The following SYNRG variants were observed in gnomAD, a reference collection of about 807,000 sequenced individuals.
SYNRG encodes the protein synergin gamma, also known as AP1 gamma subunit binding protein 1.
A neutral mutation model predicts 130.9 loss-of-function variants in SYNRG; 37 were observed. The observed-to-expected ratio is 0.28, with a 90% CI of 0.22 to 0.37. The LOEUF (loss-of-function observed/expected upper bound fraction) is 0.37. Among genes scored for constraint, SYNRG ranks in the 10% least tolerant of loss-of-function variants. The pLI, the probability that SYNRG is intolerant of heterozygous loss-of-function variation, is 1.00. For synonymous variants in SYNRG, 539 were observed against 568.1 expected, an observed-to-expected ratio of 0.95 and a Z score of 0.73; for missense variants, 1,338 against 1,588.9, an observed-to-expected ratio of 0.84 and a Z score of 2.68.
At chr17:37,607,472 G>T (rs2063847005) in intron 1 of SYNRG, among the ~76,000 whole-genome samples, 1 of 152,144 alleles carries the variant, frequency 6.6e-6, no homozygotes, top group South Asian at 2.1e-4. Context: ...GGACATTTTA[G>T]AAACTGTAAT....
At chr17:37,600,482 T>A in intron 1 of SYNRG, 79 bp from the exon 2 acceptor site, 1 of 1,419,824 alleles carries the variant, frequency 7.0e-7, no homozygotes, top group South Asian at 1.2e-5. Context: ...TTTATATGGA[T>A]AAAAGACTTG....
chr17:37,599,525 A>T (rs1046685570), intron 2 of SYNRG, among the ~76,000 whole-genome samples: 1 of 152,204 alleles, frequency 6.6e-6, no homozygotes, highest in African/African-American at 2.4e-5. Flanking sequence ...ATTTGATACC[A>T]GCCTGGGCAA....
rs201143882 is a variant in SYNRG at position 37,553,340 on chromosome 17, C to T, written c.2383G>A (p.Glu795Lys). The T allele has an allele frequency of 5.9e-5, 96 of 1,614,090 alleles. No individual in the cohort carries two copies. Among genetic ancestry groups the T allele is most frequent in the Non-Finnish European group, 1.4e-5 (17 of 1,180,044 alleles). Residue 795 changes from glutamate to lysine, a missense_variant, in exon 14 of 22, where the codon GAG becomes AAG. This residue lies in a region of SYNRG where 1,146 missense variants were observed against 1,342.3 expected (regional missense o/e 0.85). Coordinates refer to ENST00000612223, the MANE Select transcript of SYNRG (RefSeq NM_007247.6). ...SSINSDKSLG[E>K]KAVAFRHTKE... Reference sequence around the variant, plus strand: ...GTGTGTCTGAAAGCCACTGCTTTCTCTCCCAGGGATTTGTCCGAGTTTATG... The same window carrying T: ...GTGTGTCTGAAAGCCACTGCTTTCTTTCCCAGGGATTTGTCCGAGTTTATG...
intron 11 of SYNRG, among the ~76,000 whole-genome samples, chr17:37,564,993 G>A (rs2059815364): frequency 1.3e-5 from 2 of 152,216 alleles, no homozygotes; most frequent in Admixed American, 1.3e-4. Context: ...GCTGGGCATG[G>A]TGGCTCACGC....
intron 14 of SYNRG, among the ~76,000 whole-genome samples, chr17:37,546,419 C>T (rs2058280456): frequency 6.6e-6 from 1 of 152,162 alleles, no homozygotes; most frequent in African/African-American, 2.4e-5. Flanking sequence ...TTAATGCATA[C>T]ATCTGTTTGC....
intron 3 of SYNRG, among the ~76,000 whole-genome samples, chr17:37,590,940 C>T (rs1487775211): frequency 2.0e-5 from 3 of 151,860 alleles, no homozygotes; most frequent in Admixed American, 1.3e-4. Context: ...CTATAAACAC[C>T]GAATTCATGA....
intron 19 of SYNRG, among the ~76,000 whole-genome samples, chr17:37,523,189 ACT>A (rs1312092197): frequency 2.3e-4 from 35 of 151,932 alleles, no homozygotes; most frequent in African/African-American, 8.5e-4. Flanking sequence ...ATAGAATCTC[ACT>A]CTGTCACCCA....
At chr17:37,603,824 T>C (rs2063505005) in intron 1 of SYNRG, among the ~76,000 whole-genome samples, 1 of 152,134 alleles carries the variant, frequency 6.6e-6, no homozygotes, top group African/African-American at 2.4e-5. Context: ...GGTCAGTGAG[T>C]ATTGGTTTAA....
Position 37,568,753 on chromosome 17 carries a change from G to A in SYNRG, c.1481+38C>T, listed in dbSNP as rs771026915. On this transcript the variant is annotated intron_variant, in intron 11 of 21. Coordinates refer to ENST00000612223, the MANE Select transcript of SYNRG (RefSeq NM_007247.6). ...TATTATGGATGCCTCTTTCTTAATG[G>A]TTAAATGCAATGTTAAATATATTAA... 3.8e-6 allele frequency: 6 copies of A among 1,599,472 alleles called. No homozygotes were observed. In the East Asian group the frequency reaches 1.3e-4, roughly 36 times the overall value.
At chr17:37,520,358 C>T (rs766451673) in intron 20 of SYNRG, 144 bp from the exon 21 acceptor site, 1 of 1,177,540 alleles carries the variant, frequency 8.5e-7, no homozygotes, top group Non-Finnish European at 1.2e-6. Context: ...GCGTCCATTC[C>T]CTCCACAGCT....
intron 19 of SYNRG, among the ~76,000 whole-genome samples, chr17:37,526,748 C>T (rs1396491473): frequency 6.6e-6 from 1 of 152,190 alleles, no homozygotes; most frequent in East Asian, 1.9e-4. Flanking sequence ...ATCACTTTTT[C>T]TCACTCTTCC....
intron 14 of SYNRG, among the ~76,000 whole-genome samples, chr17:37,551,291 A>G (rs1285306911): frequency 1.3e-5 from 2 of 152,234 alleles, no homozygotes; most frequent in African/African-American, 4.8e-5. Flanking sequence ...AATTTTGCAC[A>G]ACAGCAATAT....
At chr17:37,583,663 T>A (rs563194158) in intron 6 of SYNRG, among the ~76,000 whole-genome samples, 57 of 152,338 alleles carry the variant, frequency 3.7e-4, no homozygotes, top group African/African-American at 1.3e-3. Flanking sequence ...TTTCTTGGAA[T>A]CAGCTGATAA....
rs2145399963 is a variant in SYNRG at position 37,554,074 on chromosome 17, AC to A, written c.1664-16del. 1 of 1,583,668 alleles carries A rather than the reference AC, an allele frequency of 6.3e-7. No homozygotes were observed. The highest frequency in any genetic ancestry group is 2.2e-5 in the East Asian group (1 of 44,772). On this transcript the variant is annotated splice_polypyrimidine_tract_variant and intron_variant, in intron 13 of 21. Coordinates refer to ENST00000612223, the MANE Select transcript of SYNRG (RefSeq NM_007247.6). ...AAAGCTTTCTCCTGAAAGAAAAAAT[AC>A]CACCAAACAAATGGGAATGCTGAAC... is the stretch of plus-strand genomic sequence containing the variant.
intron 16 of SYNRG, among the ~76,000 whole-genome samples, chr17:37,539,950 C>T (rs1427764801): frequency 1.3e-5 from 2 of 152,038 alleles, no homozygotes; most frequent in Non-Finnish European, 2.9e-5. Context: ...GCACATGTAA[C>T]AAGGAGTAGG....
At chr17:37,584,599 C>T in intron 6 of SYNRG, 49 bp downstream of exon 6, 2 of 1,482,384 alleles carry the variant, frequency 1.3e-6, no homozygotes, top group South Asian at 1.1e-5. Context: ...ACAGGGACTA[C>T]ATAAATCACC....
chr17:37,544,175 T>C (rs1167601013), intron 14 of SYNRG, among the ~76,000 whole-genome samples: 2 of 150,786 alleles, frequency 1.3e-5, no homozygotes, highest in East Asian at 4.0e-4. Context: ...ACACTAGTTG[T>C]ACAAAAAACC....
At chr17:37,530,281 C>T (rs1020569396) in intron 19 of SYNRG, among the ~76,000 whole-genome samples, 8 of 152,112 alleles carry the variant, frequency 5.3e-5, no homozygotes, top group Non-Finnish European at 4.4e-5. Context: ...CATCTGTAAA[C>T]GGGGAGAACA....
At chr17:37,544,407 TG>T (rs2058077926) in intron 14 of SYNRG, among the ~76,000 whole-genome samples, 1 of 151,840 alleles carries the variant, frequency 6.6e-6, no homozygotes, top group Admixed American at 6.6e-5. Flanking sequence ...CTCCGCCTCC[TG>T]GGTTCAAGCG....
Sources: gnomAD v4.1 joint callset for allele counts (sites outside exome capture counted in the v4.1 genomes callset) on GRCh38, gnomAD v4.1.1 for gene constraint, gnomAD v4.1.1 regional missense constraint, MANE v1.5 for transcripts, NCBI Gene and HGNC (gene_info 2026-07-23, HGNC 2026-07-21) for gene names.